PCDH10: variants seen among roughly 807,000 people sequenced by gnomAD.
PCDH10 encodes the protein protocadherin-10.
In PCDH10, 15 loss-of-function variants were observed where a neutral mutation model predicts 74.4. The ratio of observed to expected loss-of-function variants is 0.20; its 90% CI spans 0.13 to 0.31. The LOEUF is 0.31. Ranked by LOEUF, PCDH10 falls within the 10% of genes least tolerant of loss-of-function variation. The pLI is 1.00. For synonymous variants in PCDH10, 619 were observed against 589.8 expected (o/e 1.05, Z -0.72); for missense variants, 1,260 against 1,390.2 (o/e 0.91, Z 1.49).
At chr4:133,180,622 A>C (rs1727396800) in intron 4 of PCDH10, among the ~76,000 whole-genome samples, 1 of 152,008 alleles carries the variant, frequency 6.6e-6, no homozygotes, top group Non-Finnish European at 1.5e-5. Flanking sequence ...AAAACTTTTT[A>C]ACCAGAATTC....
At chr4:133,179,773 C>T (rs899172174) in intron 4 of PCDH10, among the ~76,000 whole-genome samples, 10 of 152,140 alleles carry the variant, frequency 6.6e-5, no homozygotes, top group Admixed American at 5.9e-4. Context: ...ATTTAAGGGT[C>T]CCATGTTCCA....
intron 4 of PCDH10, among the ~76,000 whole-genome samples, chr4:133,174,805 A>C (rs1578569732): frequency 6.6e-6 from 1 of 151,744 alleles, no homozygotes; most frequent in East Asian, 1.9e-4. Flanking sequence ...GAAGATAATT[A>C]TTTCTCAAGT....
chr4:133,186,865 G>A (rs116197509), intron 4 of PCDH10, among the ~76,000 whole-genome samples: 9,192 of 152,060 alleles, frequency 0.06, 739 homozygotes, highest in African/African-American at 0.19. Context: ...TTACAGGCCT[G>A]TGCCACTAAA....
Position 133,190,324 on chromosome 4 carries a change from C to T in PCDH10, c.*164C>T, listed in dbSNP as rs189674758. 2 of 656,266 alleles carry T rather than the reference C, an allele frequency of 3.0e-6. No homozygotes were observed. Among genetic ancestry groups the T allele is most frequent in the South Asian group, 3.6e-5 (2 of 54,868 alleles). The allele number at this position is 656,266 out of a possible 1,614,324, so 40.7% of individuals were successfully genotyped here. A position where few individuals can be genotyped will look rare whatever the true frequency, so the allele number is the denominator to read the frequency against. ...TGGCCAATTATAGGACCTAATTGCT[C>T]TCAGCAGGCCTGAGAAATGAGTTGA... is the stretch of plus-strand genomic sequence containing the variant. On this transcript the variant is annotated 3_prime_UTR_variant, in exon 5 of 5. Coordinates refer to ENST00000264360, the MANE Select transcript of PCDH10 (RefSeq NM_032961.3).
rs529404720 is a variant in PCDH10, at chr4:133,192,120, C to T, written c.*1960C>T. ...TATCAAAATAATGTATGTAATGTTC[C>T]AGCCTTTTGAAGTCTCTTTAAACAT... is the stretch of plus-strand genomic sequence containing the variant. On this transcript the variant is annotated 3_prime_UTR_variant, in exon 5 of 5. Coordinates refer to ENST00000264360, the MANE Select transcript of PCDH10 (RefSeq NM_032961.3). 3 of 151,308 alleles carry T rather than the reference C, an allele frequency of 2.0e-5. No individual in the cohort carries two copies. Among genetic ancestry groups the T allele is most frequent in the Non-Finnish European group, 4.4e-5 (3 of 67,578 alleles). The allele number at this position is 151,308 out of a possible 1,614,324, so 9.4% of individuals were successfully genotyped here.
chr4:133,162,112 T>C (rs1726981897), intron 3 of PCDH10, among the ~76,000 whole-genome samples: 1 of 152,160 alleles, frequency 6.6e-6, no homozygotes, highest in Admixed American at 6.5e-5. Context: ...TCCTTTGAAA[T>C]CTTGGTATTA....
chr4:133,162,926 C>A, intron 3 of PCDH10, 51 bp from the exon 4 acceptor site: 1 of 1,454,442 alleles, frequency 6.9e-7, no homozygotes, highest in Non-Finnish European at 9.5e-7. Flanking sequence ...TGCTAAGTAA[C>A]TGGTCATGTT....
rs757336230 is a variant in PCDH10, at chr4:133,152,801, C to T, written c.2631+30C>T. ...GGCTGAAGCGAAAGGACCACCATCT[C>T]TCATCTCCTCCATCAGAAAGCCTCC... On this transcript the variant is annotated intron_variant, in intron 1 of 4. Transcript: ENST00000264360. The T allele has an allele frequency of 2.5e-6, 4 of 1,613,448 alleles. No individual in the cohort carries two copies. In the African/African-American group the frequency reaches 5.3e-5, roughly 22 times the overall value.
chr4:133,195,760 G>A (rs1033606051), downstream of PCDH10, among the ~76,000 whole-genome samples: 1 of 151,956 alleles, frequency 6.6e-6, no homozygotes, highest in Non-Finnish European at 1.5e-5. Context: ...TAGAAAAATA[G>A]ATTAGAAAAG....
chr4:133,174,993 TA>T (rs550417398), intron 4 of PCDH10, among the ~76,000 whole-genome samples: 120 of 151,890 alleles, frequency 7.9e-4, no homozygotes, highest in Non-Finnish European at 1.4e-3. Flanking sequence ...TATTCCTTGA[TA>T]ATGTAAATCA....
At chr4:133,199,623 T>C (rs980546557), downstream of PCDH10, among the ~76,000 whole-genome samples, 1 of 150,966 alleles carries the variant, frequency 6.6e-6, no homozygotes, top group African/African-American at 2.4e-5. Context: ...CAAGTTAATG[T>C]AAAGGAAAAA....
At chr4:133,171,962 A>C (rs1391454261) in intron 4 of PCDH10, among the ~76,000 whole-genome samples, 1 of 152,176 alleles carries the variant, frequency 6.6e-6, no homozygotes, top group East Asian at 1.9e-4. Context: ...ATTAAAAAAA[A>C]GTGGTAACAG....
chr4:133,191,786 AC>A lies in PCDH10; in HGVS notation c.*1628del, dbSNP rs1471152082. 6.6e-6 allele frequency: 1 copy of A among 151,626 alleles called. No individual in the cohort carries two copies. Among genetic ancestry groups the A allele is most frequent in the Non-Finnish European group, 1.5e-5 (1 of 67,696 alleles). The allele number at this position is 151,626 out of a possible 1,614,324, so 9.4% of individuals were successfully genotyped here. On this transcript the variant is annotated 3_prime_UTR_variant, in exon 5 of 5. Coordinates refer to ENST00000264360, the MANE Select transcript of PCDH10 (RefSeq NM_032961.3). The stretch of plus-strand genomic sequence containing the variant: ...AATGTTTGCCCAGTTCAAATTAGAA[AC>A]CTGTTTTGAAATACTTTCCTTAATT...
chr4:133,197,969 T>TTGTGTGTGTGTGTG (rs70957500), downstream of PCDH10, among the ~76,000 whole-genome samples: 8 of 144,928 alleles, frequency 5.5e-5, no homozygotes, highest in African/African-American at 1.5e-4. Context: ...TCTCTCAAAA[T>TTGTGTGTGTGTGTG]TGTGTGTGTG....
chr4:133,163,348 T>C (rs1727013784), intron 4 of PCDH10, 66 bp downstream of exon 4: 3 of 1,386,498 alleles, frequency 2.2e-6, no homozygotes, highest in Non-Finnish European at 1.9e-6. Flanking sequence ...AACATTCCAC[T>C]CTTTTTGGTA....
chr4:133,187,343 A>G (rs2125872701), intron 4 of PCDH10, among the ~76,000 whole-genome samples: 1 of 152,248 alleles, frequency 6.6e-6, no homozygotes, highest in South Asian at 2.1e-4. Context: ...TAACATATTT[A>G]GGAGGACATG....
exon 3 of PCDH10, chr4:133,208,447 A>G (rs1348609369): frequency 1.3e-5 from 2 of 152,182 alleles, no homozygotes; most frequent in African/African-American, 4.8e-5. Flanking sequence ...TTCAAAACCA[A>G]TATGTATAAT....
At chr4:133,200,808 C>T (rs78859554) in intron 2 of PCDH10, among the ~76,000 whole-genome samples, 1 of 152,156 alleles carries the variant, frequency 6.6e-6, no homozygotes, top group Non-Finnish European at 1.5e-5. Flanking sequence ...TGTTTCCATT[C>T]TCTGTGTCTT....
intron 4 of PCDH10, among the ~76,000 whole-genome samples, chr4:133,182,916 A>G (rs892279254): frequency 1.3e-5 from 2 of 152,106 alleles, no homozygotes; most frequent in African/African-American, 2.4e-5. Flanking sequence ...ACAAAATTCT[A>G]TGCTAGTACA....
Sources: allele counts gnomAD v4.1 joint callset (sites outside exome capture counted in the v4.1 genomes callset), GRCh38; gene constraint gnomAD v4.1.1; transcripts MANE v1.5; gene names NCBI Gene and HGNC (gene_info 2026-07-23, HGNC 2026-07-21).